The following KCNMB2 variants were observed in gnomAD, a reference collection of about 807,000 sequenced individuals.
KCNMB2 encodes potassium calcium-activated channel subfamily M regulatory beta subunit 2, also known as calcium-activated potassium channel subunit beta-2.
Under a neutral mutation model 24.5 loss-of-function variants are expected in KCNMB2, and 9 were observed. The ratio of observed to expected loss-of-function variants is 0.37; its 90% confidence interval spans 0.22 to 0.64. The LOEUF (loss-of-function observed/expected upper bound fraction) is 0.64. KCNMB2 is among the 30% of genes least tolerant of loss of function. KCNMB2 has a pLI of 0.63. For synonymous variants in KCNMB2, 109 were observed against 104.4 expected (o/e 1.04, Z -0.27); for missense variants, 226 against 284.3 (o/e 0.79, Z 1.47).
chr3:178,636,151 A>C (rs531011624), intron 1 of KCNMB2, among the ~76,000 whole-genome samples: 3 of 152,342 alleles, frequency 2.0e-5, no homozygotes, highest in African/African-American at 7.2e-5. Context: ...GGTTTCTTCC[A>C]AATTTTCCAA....
intron 1 of KCNMB2, among the ~76,000 whole-genome samples, chr3:178,605,378 T>C (rs1414291788): frequency 6.6e-6 from 1 of 152,180 alleles, no homozygotes; most frequent in Non-Finnish European, 1.5e-5. Context: ...TGGAATTCTC[T>C]TATAGCAGCC....
chr3:178,612,649 G>A (rs1718522423), intron 1 of KCNMB2, among the ~76,000 whole-genome samples: 1 of 152,144 alleles, frequency 6.6e-6, no homozygotes, highest in African/African-American at 2.4e-5. Context: ...AGTATTTCCT[G>A]TAGGCAGTGA....
intron 1 of KCNMB2, among the ~76,000 whole-genome samples, chr3:178,740,653 A>C (rs999159329): frequency 1.3e-5 from 2 of 152,228 alleles, no homozygotes; most frequent in African/African-American, 4.8e-5. Context: ...CTGTATCATT[A>C]TTCACCATCA....
At chr3:178,831,504 T>C (rs1715055954) in intron 4 of KCNMB2, among the ~76,000 whole-genome samples, 1 of 152,074 alleles carries the variant, frequency 6.6e-6, no homozygotes, top group Non-Finnish European at 1.5e-5. Flanking sequence ...TAAATGCCCA[T>C]CAACAGTGGA....
intron 1 of KCNMB2, among the ~76,000 whole-genome samples, chr3:178,711,439 C>T (rs1285209859): frequency 6.6e-6 from 1 of 152,110 alleles, no homozygotes; most frequent in Non-Finnish European, 1.5e-5. Flanking sequence ...TAATATAGCT[C>T]CAGACAATCA....
chr3:178,742,670 C>G lies in KCNMB2; in HGVS notation c.-67-64673C>G, dbSNP rs184336106. 1.8e-4 allele frequency among the ~76,000 whole-genome samples: 27 copies of G among 152,222 alleles called. No individual in the cohort carries two copies. In the East Asian group the frequency reaches 3.7e-3, roughly 21 times the overall value. The stretch of plus-strand genomic sequence containing the variant: ...CCCTGCACAGCAACAAGGCAGTCAT[C>G]GGAGACCCCTTGTCAAAAAAATTCC... On this transcript the variant is annotated intron_variant, in intron 1 of 4. Coordinates refer to ENST00000452583, the MANE Select transcript of KCNMB2 (RefSeq NM_181361.3).
At chr3:178,814,080 T>A (rs1435081503) in intron 2 of KCNMB2, among the ~76,000 whole-genome samples, 1 of 152,082 alleles carries the variant, frequency 6.6e-6, no homozygotes, top group East Asian at 1.9e-4. Context: ...AGTTTGGGCC[T>A]CTATTGAACC....
intron 1 of KCNMB2, among the ~76,000 whole-genome samples, chr3:178,804,493 T>C (rs931858858): frequency 2.0e-5 from 3 of 152,208 alleles, no homozygotes; most frequent in Non-Finnish European, 4.4e-5. Context: ...AATCCACTTA[T>C]TGGAATAAAC....
intron 1 of KCNMB2, among the ~76,000 whole-genome samples, chr3:178,729,921 T>A (rs1296735970): frequency 1.3e-5 from 2 of 152,212 alleles, no homozygotes; most frequent in Non-Finnish European, 2.9e-5. Flanking sequence ...TCAGGCTACA[T>A]GCCCACTGCT....
chr3:178,634,943 C>T lies in KCNMB2; in HGVS notation c.-68+98232C>T, dbSNP rs544104001. Among the ~76,000 whole-genome samples, 3 of 152,194 alleles carry T rather than the reference C, an allele frequency of 2.0e-5. No homozygotes were observed. In the East Asian group the frequency reaches 5.8e-4, roughly 29 times the overall value. On this transcript the variant is annotated intron_variant, in intron 1 of 4. Transcript: ENST00000452583. The stretch of plus-strand genomic sequence containing the variant: ...GGAGAGATAGAGGCAACATGGGGTG[C>T]AAGGGTACAAGTCTGAGTTCAGTGG...
chr3:178,771,233 C>G (rs1410495434), intron 1 of KCNMB2, among the ~76,000 whole-genome samples: 5 of 152,090 alleles, frequency 3.3e-5, no homozygotes, highest in Non-Finnish European at 7.4e-5. Context: ...CATCTCTGTC[C>G]TGACTCTTTC....
intron 1 of KCNMB2, among the ~76,000 whole-genome samples, chr3:178,737,644 G>A (rs1577138237): frequency 1.3e-5 from 2 of 152,116 alleles, no homozygotes; most frequent in South Asian, 4.1e-4. Context: ...AATACAACAT[G>A]GTCCCTGTCC....
In KCNMB2 at chr3:178,844,165, T is replaced by C. The variant is rs1027277949; in HGVS notation, c.*1228T>C. ...TAAATAAAAAACATTCCATCTTTCA[T>C]TTAATATCAATATCAAAAGAAGAAG... On this transcript the variant is annotated 3_prime_UTR_variant, in exon 5 of 5. Coordinates refer to ENST00000452583, the MANE Select transcript of KCNMB2 (RefSeq NM_181361.3). The C allele has an allele frequency of 1.3e-5, 2 of 152,560 alleles. No homozygotes were observed. Among genetic ancestry groups the C allele is most frequent in the African/African-American group, 4.8e-5 (2 of 41,454 alleles). 9.5% of individuals were successfully genotyped at this position (152,560 alleles called of 1,614,324 possible). A position where few individuals can be genotyped will look rare whatever the true frequency, so the allele number is the denominator to read the frequency against.
At chr3:178,681,116 A>G (rs1721256758) in intron 1 of KCNMB2, among the ~76,000 whole-genome samples, 1 of 152,172 alleles carries the variant, frequency 6.6e-6, no homozygotes, top group Admixed American at 6.5e-5. Context: ...TAACAGATAT[A>G]CAGATACTCC....
chr3:178,725,873 A>AT (rs1337153606), intron 1 of KCNMB2, among the ~76,000 whole-genome samples: 2 of 151,638 alleles, frequency 1.3e-5, no homozygotes, highest in African/African-American at 4.8e-5. Flanking sequence ...TAGTTGGTTT[A>AT]TTTTTTTAAT....
intron 1 of KCNMB2, among the ~76,000 whole-genome samples, chr3:178,763,142 G>T (rs1711976833): frequency 6.6e-6 from 1 of 152,142 alleles, no homozygotes; most frequent in Non-Finnish European, 1.5e-5. Flanking sequence ...ACTGTGGGAG[G>T]TTTGACAAGA....
chr3:178,733,358 AAAC>A (rs1204265816), intron 1 of KCNMB2, among the ~76,000 whole-genome samples: 1 of 152,232 alleles, frequency 6.6e-6, no homozygotes, highest in African/African-American at 2.4e-5. Context: ...ACGAGAAGTC[AAAC>A]AACACAGGAC....
At chr3:178,819,429 ATCTC>A (rs1415718909) in intron 2 of KCNMB2, among the ~76,000 whole-genome samples, 1 of 151,710 alleles carries the variant, frequency 6.6e-6, no homozygotes, top group Non-Finnish European at 1.5e-5. Context: ...TTGTCTCTCA[ATCTC>A]TCCGCCCCTC....
chr3:178,793,635 T>C (rs555269868), intron 1 of KCNMB2, among the ~76,000 whole-genome samples: 1 of 151,692 alleles, frequency 6.6e-6, no homozygotes, highest in South Asian at 2.1e-4. Context: ...GAAATGGAGG[T>C]TCCTACAGCC....
Sources: allele counts gnomAD v4.1 joint callset (sites outside exome capture counted in the v4.1 genomes callset), GRCh38; gene constraint gnomAD v4.1.1; transcripts MANE v1.5; gene names NCBI Gene and HGNC (gene_info 2026-07-23, HGNC 2026-07-21).